Variants in IQCE observed in about 807,000 individuals in gnomAD.
The protein encoded by IQCE is IQ motif containing E, also known as IQ domain-containing protein E.
In IQCE, 115 loss-of-function variants were observed where a neutral mutation model predicts 96.0. That is an observed-to-expected ratio of 1.20 (90% confidence interval 1.03 to 1.40). IQCE has a LOEUF of 1.40. Ranked by LOEUF, IQCE falls within the 40% of genes most tolerant of loss-of-function variation. The pLI is 0.00. For synonymous variants in IQCE, 412 were observed against 371.2 expected (o/e 1.11, Z -1.26); for missense variants, 1,041 against 909.1 (o/e 1.15, Z -1.87).
chr7:2,603,173 G>C (rs1370158671), intron 18 of IQCE, among the ~76,000 whole-genome samples: 1 of 152,054 alleles, frequency 6.6e-6, no homozygotes, highest in Non-Finnish European at 1.5e-5. Context: ...CTCATCCCGA[G>C]GTCTCCAGCA....
intron 1 of IQCE, chr7:2,559,499 C>T (rs1324356317): frequency 4.4e-6 from 1 of 226,712 alleles, no homozygotes; most frequent in Non-Finnish European, 8.5e-6. Flanking sequence ...GTCTGCGGCC[C>T]GCAGGTGACG....
intron 1 of IQCE, among the ~76,000 whole-genome samples, chr7:2,564,053 CA>C (rs958892437): frequency 1.4e-5 from 2 of 146,206 alleles, no homozygotes; most frequent in African/African-American, 2.5e-5. Flanking sequence ...ACTAAAAATA[CA>C]AAAAAAAATT....
chr7:2,606,610 T>C (rs936512569), intron 20 of IQCE, among the ~76,000 whole-genome samples: 1 of 152,146 alleles, frequency 6.6e-6, no homozygotes, highest in Non-Finnish European at 1.5e-5. Flanking sequence ...GTTCTCAGCC[T>C]CTGTGGTGGA....
intron 4 of IQCE, 37 bp downstream of exon 4, chr7:2,571,691 A>C: frequency 6.4e-7 from 1 of 1,573,686 alleles, no homozygotes; most frequent in Admixed American, 1.8e-5. Flanking sequence ...TTCCTGCTTG[A>C]GAGAAGAGTT....
Position 2,590,036 on chromosome 7 carries a change from C to G in IQCE, c.1174C>G (p.Arg392Gly), listed in dbSNP as rs1210063406. The change falls in exon 14 of 22, where the codon CGT becomes GGT. Residue 392 changes from arginine to glycine, a missense_variant. Physicochemically the swap from Arg to Gly is moderately radical, Grantham distance 125 (BLOSUM62 -2). Transcript: ENST00000402050. ...PRGDRNKDHE[R>G]LRGAVRDLKE... is the part of the protein sequence containing the mutation. ...AGGGGACCGCAACAAGGACCACGAG[C>G]GTCTCCGAGGGGCTGTGAGAGACCT... 1.9e-6 allele frequency: 3 copies of G among 1,613,718 alleles called. No individual in the cohort carries two copies. Among genetic ancestry groups the G allele is most frequent in the Non-Finnish European group, 2.5e-6 (3 of 1,179,984 alleles).
At chr7:2,584,910 G>A (rs1445241145) in intron 11 of IQCE, among the ~76,000 whole-genome samples, 4 of 152,130 alleles carry the variant, frequency 2.6e-5, no homozygotes, top group South Asian at 4.2e-4. Flanking sequence ...GTTATAAAAT[G>A]TCTGCAGGTT....
intron 1 of IQCE, among the ~76,000 whole-genome samples, chr7:2,564,036 T>C (rs1313996718): frequency 6.7e-6 from 1 of 148,530 alleles, no homozygotes; most frequent in African/African-American, 2.5e-5. Context: ...AGTGAAACCC[T>C]GTCTCCACTA....
intron 21 of IQCE, among the ~76,000 whole-genome samples, chr7:2,609,522 G>C (rs903846845): frequency 6.6e-6 from 1 of 152,220 alleles, no homozygotes; most frequent in African/African-American, 2.4e-5. Context: ...GGCTTTCAGG[G>C]AATGACTCCA....
At chr7:2,576,926 G>C (rs1159366024) in intron 6 of IQCE, among the ~76,000 whole-genome samples, 1 of 152,196 alleles carries the variant, frequency 6.6e-6, no homozygotes, top group Non-Finnish European at 1.5e-5. Flanking sequence ...GTCCAGCCCC[G>C]GTGTTGGCGG....
chr7:2,593,578 ACCGGC>A (rs1286618733), intron 15 of IQCE, among the ~76,000 whole-genome samples: 1 of 152,272 alleles, frequency 6.6e-6, no homozygotes, highest in Non-Finnish European at 1.5e-5. Context: ...GGAAGCCCTG[ACCGGC>A]CCGGCCCGGG....
chr7:2,586,442 G>C (rs918050744), intron 12 of IQCE, 71 bp downstream of exon 12: 30 of 1,475,154 alleles, frequency 2.0e-5, no homozygotes, highest in Non-Finnish European at 2.7e-5. Context: ...TGGCCACTGG[G>C]TAGGCCCAAC....
intron 6 of IQCE, among the ~76,000 whole-genome samples, chr7:2,577,878 T>A (rs12700086): frequency 9.3e-5 from 3 of 32,220 alleles, no homozygotes; most frequent in East Asian, 7.9e-4. Context: ...CGGGGACGTG[T>A]GTGCGGCGTG....
intron 1 of IQCE, among the ~76,000 whole-genome samples, chr7:2,564,621 T>C (rs1203274383): frequency 6.6e-6 from 1 of 152,040 alleles, no homozygotes; most frequent in Admixed American, 6.6e-5. Context: ...TCTATACATT[T>C]GTGAATTCCT....
At chr7:2,599,064 A>G (rs2917729) in intron 17 of IQCE, among the ~76,000 whole-genome samples, 9,843 of 152,164 alleles carry the variant, frequency 0.065, 494 homozygotes, top group Admixed American at 0.13. Flanking sequence ...GTTTCCCGCC[A>G]GCATTCGGTC....
intron 21 of IQCE, among the ~76,000 whole-genome samples, chr7:2,608,601 G>A (rs774726034): frequency 1.3e-5 from 2 of 152,196 alleles, no homozygotes; most frequent in African/African-American, 2.4e-5. Flanking sequence ...CCTGTGACTC[G>A]TGGGCTCTGC....
At chr7:2,580,410 G>C (rs138973829) in intron 8 of IQCE, among the ~76,000 whole-genome samples, 18 of 152,144 alleles carry the variant, frequency 1.2e-4, no homozygotes, top group African/African-American at 3.9e-4. Flanking sequence ...AGGAGTTCAA[G>C]ACCAGCCTGG....
At chr7:2,588,725 C>T (rs1783337733) in intron 13 of IQCE, among the ~76,000 whole-genome samples, 2 of 120,586 alleles carry the variant, frequency 1.7e-5, no homozygotes, top group Middle Eastern at 7.4e-3. Context: ...AGTGCAGTGG[C>T]GTAATCTCGG....
In IQCE at chr7:2,610,030, G is replaced by T; in HGVS notation, c.1970-14G>T. The T allele has an allele frequency of 6.9e-7, 1 of 1,455,132 alleles. No individual in the cohort carries two copies. The highest frequency in any genetic ancestry group is 9.7e-7 in the Non-Finnish European group (1 of 1,034,898). The allele number at this position is 1,455,132 out of a possible 1,614,324, so 90.1% of individuals were successfully genotyped here. A position where few individuals can be genotyped will look rare whatever the true frequency, so the allele number is the denominator to read the frequency against. On this transcript the variant is annotated splice_polypyrimidine_tract_variant and intron_variant, in intron 21 of 21. Transcript: ENST00000402050. ...AGCGTGGCTGACCCCTCTCCCTGTG[G>T]TTCATTTCTGCAGACCCCTCTCCCT... is the stretch of plus-strand genomic sequence containing the variant.
chr7:2,609,997 C>G (rs756100198), intron 21 of IQCE, 47 bp from the exon 22 acceptor site: 1 of 1,074,742 alleles, frequency 9.3e-7, no homozygotes, highest in Non-Finnish European at 1.5e-6. Flanking sequence ...GTGGCAGCCC[C>G]TGAGGTCAGC....
Sources: allele counts gnomAD v4.1 joint callset (sites outside exome capture counted in the v4.1 genomes callset), GRCh38; gene constraint gnomAD v4.1.1; transcripts MANE v1.5; gene names NCBI Gene and HGNC (gene_info 2026-07-23, HGNC 2026-07-21).